Variants in BBX observed in about 807,000 individuals in gnomAD.
BBX encodes BBX high mobility group box domain containing.
Under a neutral mutation model 100.2 loss-of-function variants are expected in BBX, and 30 were observed. The ratio of observed to expected loss-of-function variants is 0.30; its 90% CI spans 0.22 to 0.41. The LOEUF (loss-of-function observed/expected upper bound fraction) is 0.41, where lower values mean the gene tolerates loss of function less well. Among genes scored for constraint, BBX ranks in the 10% least tolerant of loss-of-function variants. The probability of loss-of-function intolerance (pLI) is 1.00; values close to 1 mark genes in which losing one functional copy is unlikely to be tolerated. For synonymous variants in BBX, 376 were observed against 388.1 expected, an observed-to-expected ratio of 0.97 and a Z score of 0.37; for missense variants, 1,023 against 1,129.8, an observed-to-expected ratio of 0.91 and a Z score of 1.35.
intron 2 of BBX, among the ~76,000 whole-genome samples, chr3:107,625,774 C>G (rs1042738384): frequency 6.6e-6 from 1 of 152,130 alleles, no homozygotes; most frequent in African/African-American, 2.4e-5. Context: ...TCTAGGTCCC[C>G]TGTAGCTCTA....
intron 2 of BBX, among the ~76,000 whole-genome samples, chr3:107,643,768 C>G (rs2107778613): frequency 6.6e-6 from 1 of 152,242 alleles, no homozygotes; most frequent in African/African-American, 2.4e-5. Context: ...AAATGCAGAC[C>G]AGGCTATGCT....
Position 107,566,023 on chromosome 3 carries a change from A to C in BBX, c.-84+39625A>C, listed in dbSNP as rs973675393. 4.6e-5 allele frequency among the ~76,000 whole-genome samples: 7 copies of C among 151,684 alleles called. 1 individual carries two copies. The highest frequency in any genetic ancestry group is 4.6e-4 in the Admixed American group (7 of 15,228). On this transcript the variant is annotated intron_variant, in intron 2 of 17. Transcript: ENST00000325805. Reference sequence around the variant, plus strand: ...ACCCCATCTCTACTAAAAATACAAAAAATTAGCCAGGCATGGTGGTGGATG... The same window carrying C: ...ACCCCATCTCTACTAAAAATACAAACAATTAGCCAGGCATGGTGGTGGATG...
intron 17 of BBX, among the ~76,000 whole-genome samples, chr3:107,802,546 G>A (rs2070613799): frequency 6.6e-6 from 1 of 152,232 alleles, no homozygotes; most frequent in African/African-American, 2.4e-5. Flanking sequence ...TAAAATATCT[G>A]CCTGAATGTT....
chr3:107,770,796 CCTTT>C (rs1319930232), intron 10 of BBX, among the ~76,000 whole-genome samples: 1 of 152,072 alleles, frequency 6.6e-6, no homozygotes, highest in East Asian at 1.9e-4. Context: ...CTCTCTCCAC[CCTTT>C]CTTTAATTTC....
At chr3:107,530,877 A>G (rs2048116530) in intron 2 of BBX, among the ~76,000 whole-genome samples, 1 of 152,252 alleles carries the variant, frequency 6.6e-6, no homozygotes, top group Admixed American at 6.5e-5. Flanking sequence ...TTATTAAACA[A>G]AAAATACTAG....
chr3:107,530,566 T>G (rs772291303), intron 2 of BBX, among the ~76,000 whole-genome samples: 3 of 152,152 alleles, frequency 2.0e-5, no homozygotes, highest in Non-Finnish European at 4.4e-5. Context: ...AACAAACTCC[T>G]GGAACAGAAT....
intron 5 of BBX, among the ~76,000 whole-genome samples, 168 bp from the exon 6 acceptor site, chr3:107,728,597 C>T (rs779483718): frequency 2.0e-5 from 3 of 152,186 alleles, no homozygotes; most frequent in East Asian, 3.8e-4. Context: ...CATGTCCTAT[C>T]TCTAGAACCC....
chr3:107,682,228 C>T (rs1304776397), intron 3 of BBX, among the ~76,000 whole-genome samples: 1 of 152,076 alleles, frequency 6.6e-6, no homozygotes, highest in African/African-American at 2.4e-5. Context: ...ATGGAAAGAA[C>T]ATTTAATAGT....
chr3:107,719,320 C>A (rs1452336043), intron 5 of BBX, among the ~76,000 whole-genome samples: 1 of 151,874 alleles, frequency 6.6e-6, no homozygotes, highest in Non-Finnish European at 1.5e-5. Flanking sequence ...GTGGTATTTG[C>A]CAGTATCTGT....
intron 3 of BBX, among the ~76,000 whole-genome samples, chr3:107,648,152 T>G (rs1275704333): frequency 2.0e-5 from 3 of 152,190 alleles, no homozygotes; most frequent in Non-Finnish European, 4.4e-5. Context: ...TTCCAGGAAG[T>G]TCTTCGGTAA....
At position 107,570,160 on chromosome 3, in the gene BBX, T is replaced by C. The variant is rs192888743; in HGVS notation, c.-84+43762T>C. On this transcript the variant is annotated intron_variant, in intron 2 of 17. Transcript: ENST00000325805. The stretch of plus-strand genomic sequence containing the variant: ...CCTGGCTGCTGCGGTTCAGGCGTTA[T>C]GAAGTTCTTGTGTGCTGGAGATGTG... 7.2e-5 allele frequency among the ~76,000 whole-genome samples: 11 copies of C among 152,342 alleles called. No homozygotes were observed. In the East Asian group the frequency reaches 1.9e-3, roughly 27 times the overall value.
intron 2 of BBX, among the ~76,000 whole-genome samples, chr3:107,637,199 A>G (rs1438495227): frequency 6.6e-6 from 1 of 152,204 alleles, no homozygotes; most frequent in African/African-American, 2.4e-5. Flanking sequence ...ATATTTAAGA[A>G]CACAAAGAAA....
intron 2 of BBX, among the ~76,000 whole-genome samples, chr3:107,606,865 T>C (rs899637143): frequency 6.6e-6 from 1 of 152,162 alleles, no homozygotes; most frequent in African/African-American, 2.4e-5. Context: ...CACCATTCTG[T>C]GCTATCAACT....
chr3:107,668,655 C>A (rs1012988667), intron 3 of BBX, among the ~76,000 whole-genome samples: 1 of 152,164 alleles, frequency 6.6e-6, no homozygotes, highest in African/African-American at 2.4e-5. Context: ...TGAATGGAGT[C>A]ATCCAGTCAG....
rs571139689 is a variant in BBX at position 107,536,205 on chromosome 3, C to T, written c.-84+9807C>T. ...TAAGTGGAAGAGATTTCATAAATTA[C>T]ACTTTTGTATGCGAGTAGCCAAACA... On this transcript the variant is annotated intron_variant, in intron 2 of 17. Coordinates refer to ENST00000325805, the MANE Select transcript of BBX (RefSeq NM_001142568.3). Among the ~76,000 whole-genome samples the T allele has an allele frequency of 3.3e-5, 5 of 152,308 alleles. No homozygotes were observed. In the South Asian group the frequency reaches 1.0e-3, roughly 32 times the overall value.
chr3:107,567,884 T>C lies in BBX; in HGVS notation c.-84+41486T>C, dbSNP rs2051040713. Among the ~76,000 whole-genome samples, 4 of 152,324 alleles carry C rather than the reference T, an allele frequency of 2.6e-5. No individual in the cohort carries two copies. The South Asian group carries it at 8.3e-4, about 32-fold the overall frequency. ...TATTTTGTGGTTGCCTTTATATTAT[T>C]AACATGCGTATTTAAACATGTTTTT... is the stretch of plus-strand genomic sequence containing the variant. On this transcript the variant is annotated intron_variant, in intron 2 of 17. Transcript: ENST00000325805.
At chr3:107,550,695 T>C (rs1046049672) in intron 2 of BBX, among the ~76,000 whole-genome samples, 4 of 152,124 alleles carry the variant, frequency 2.6e-5, no homozygotes, top group African/African-American at 9.7e-5. Context: ...AGGTCATAGT[T>C]GCCAGGCCAA....
Position 107,772,740 on chromosome 3 carries a change from T to A in BBX, c.1019T>A (p.Ile340Asn), listed in dbSNP as rs2067005095. 6.2e-7 allele frequency: 1 copy of A among 1,611,674 alleles called. No homozygotes were observed. The highest frequency in any genetic ancestry group is 1.3e-5 in the African/African-American group (1 of 74,602). Reference sequence around the variant, plus strand: ...GAGAAGGGAAAGGAAGAAAAAGAAATTAAAATGGAGAAAACAGATGAAACT... The same window carrying A: ...GAGAAGGGAAAGGAAGAAAAAGAAAATAAAATGGAGAAAACAGATGAAACT... ...ELEKGKEEKEIKMEKTDETRL... is the reference protein window; with the variant it reads ...ELEKGKEEKENKMEKTDETRL... Residue 340 changes from isoleucine (I) to asparagine (N), a missense_variant, in exon 11 of 18, where the codon ATT (isoleucine) becomes AAT (asparagine). Ile to Asn is a moderately radical substitution (Grantham distance 149). Transcript: ENST00000325805.
At chr3:107,551,173 C>A (rs545897737) in intron 2 of BBX, among the ~76,000 whole-genome samples, 2 of 152,222 alleles carry the variant, frequency 1.3e-5, no homozygotes, top group Admixed American at 1.3e-4. Flanking sequence ...TTCTTTTGGA[C>A]CCTTTGTATA....
Sources: allele counts gnomAD v4.1 joint callset (sites outside exome capture counted in the v4.1 genomes callset), GRCh38; gene constraint gnomAD v4.1.1; transcripts MANE v1.5; gene names NCBI Gene and HGNC (gene_info 2026-07-23, HGNC 2026-07-21).